The following DDO variants were observed in gnomAD, a reference collection of about 807,000 sequenced individuals.
DDO encodes the protein D-aspartate oxidase, also known as D-aspartate oxidase, DDO.
A neutral mutation model predicts 16.8 loss-of-function variants in DDO; 16 were observed. That is an observed-to-expected ratio of 0.95 (90% confidence interval 0.65 to 1.45). The LOEUF (loss-of-function observed/expected upper bound fraction) is 1.45, where lower values mean the gene tolerates loss of function less well. Among genes scored for constraint, DDO ranks in the 40% most tolerant of loss-of-function variants. The probability of loss-of-function intolerance (pLI) is 0.00; values close to 1 mark genes in which losing one functional copy is unlikely to be tolerated. For missense variants in DDO, 429 were observed against 420.3 expected (o/e 1.02, Z -0.18); for synonymous variants, 180 against 167.2 (o/e 1.08, Z -0.59).
intron 4 of DDO, among the ~76,000 whole-genome samples, chr6:110,402,468 C>T (rs534573827): frequency 6.6e-6 from 1 of 152,114 alleles, no homozygotes; most frequent in East Asian, 1.9e-4. Context: ...AGTTCGAGAC[C>T]AGCCTGGCCA....
At chr6:110,396,065 C>T (rs1773280627) in intron 4 of DDO, among the ~76,000 whole-genome samples, 1 of 152,182 alleles carries the variant, frequency 6.6e-6, no homozygotes, top group South Asian at 2.1e-4. Flanking sequence ...GAGAATGCCT[C>T]ACGTTGATGA....
chr6:110,403,714 C>T (rs1344555451), intron 4 of DDO, among the ~76,000 whole-genome samples: 1 of 152,168 alleles, frequency 6.6e-6, no homozygotes, highest in African/African-American at 2.4e-5. Context: ...CTTTCTGCTC[C>T]CATTCTAACC....
At chr6:110,401,421 G>A (rs897010844) in intron 4 of DDO, among the ~76,000 whole-genome samples, 4 of 151,602 alleles carry the variant, frequency 2.6e-5, no homozygotes, top group African/African-American at 9.7e-5. Flanking sequence ...TCCAAATTTG[G>A]GGTGTGTGGA....
chr6:110,411,244 G>A (rs34929924), intron 2 of DDO, among the ~76,000 whole-genome samples: 17,996 of 152,118 alleles, frequency 0.12, 1,284 homozygotes, highest in Middle Eastern at 0.18. Flanking sequence ...GAGCTCACTG[G>A]CAACAAGCCC....
At chr6:110,409,590 A>C (rs1037427262) in intron 2 of DDO, among the ~76,000 whole-genome samples, 2 of 152,228 alleles carry the variant, frequency 1.3e-5, no homozygotes, top group Non-Finnish European at 2.9e-5. Flanking sequence ...CTTGTTATAG[A>C]GCCAATAAAT....
At chr6:110,403,972 T>C (rs990554401) in intron 4 of DDO, among the ~76,000 whole-genome samples, 7 of 152,368 alleles carry the variant, frequency 4.6e-5, no homozygotes, top group African/African-American at 1.7e-4. Flanking sequence ...CAGATCACTG[T>C]TGCCCTGGCC....
At chr6:110,404,646 G>T in intron 4 of DDO, 128 bp downstream of exon 4, 1 of 930,114 alleles carries the variant, frequency 1.1e-6, no homozygotes, top group Non-Finnish European at 1.6e-6. Context: ...AGCCATTTGT[G>T]AGTGGCAAGG....
At position 110,392,973 on chromosome 6, in the gene DDO, GCCCACCTTCTC is replaced by G; in HGVS notation, c.817_827del (p.Glu273LeufsTer71). 2 of 1,613,430 alleles carry G rather than the reference GCCCACCTTCTC, an allele frequency of 1.2e-6. No individual in the cohort carries two copies. The highest frequency in any genetic ancestry group is 1.7e-6 in the Non-Finnish European group (2 of 1,179,394). On this transcript the variant is annotated frameshift_variant, in exon 5 of 5. Coordinates refer to ENST00000368924, the MANE Select transcript of DDO (RefSeq NM_001372108.2). LOFTEE classifies it low-confidence loss of function (END_TRUNC). ...GCACGCCTGGCCTGTAGGGCCTCAA[GCCCACCTTCTC>G]CCTGATGTTGCAGGCTCCGTGGAGG...
rs1335891796 is a variant in DDO, at chr6:110,408,314, C to T, written c.281+20G>A. ...AAGATCATGCTACACTCTAAAATAA[C>T]TTCAAATTTCTTCACTTACCCTGAT... On this transcript the variant is annotated intron_variant, in intron 3 of 4. Coordinates refer to ENST00000368924, the MANE Select transcript of DDO (RefSeq NM_001372108.2). 1 of 1,607,048 alleles carries T rather than the reference C, an allele frequency of 6.2e-7. No homozygotes were observed. The highest frequency in any genetic ancestry group is 8.5e-7 in the Non-Finnish European group (1 of 1,174,060).
chr6:110,408,176 G>A (rs1171606869), intron 3 of DDO, among the ~76,000 whole-genome samples, 158 bp downstream of exon 3: 2 of 152,164 alleles, frequency 1.3e-5, no homozygotes, highest in Non-Finnish European at 2.9e-5. Flanking sequence ...TCTTTCTTCA[G>A]TTCTTTGGGG....
intron 1 of DDO, among the ~76,000 whole-genome samples, chr6:110,414,897 G>C (rs1255091774): frequency 6.6e-6 from 1 of 152,248 alleles, no homozygotes; most frequent in East Asian, 1.9e-4. Flanking sequence ...AGCTTCCTCA[G>C]CAAGGGCTGT....
chr6:110,413,179 A>G, intron 2 of DDO, 112 bp downstream of exon 2: 3 of 1,235,598 alleles, frequency 2.4e-6, no homozygotes, highest in Non-Finnish European at 3.4e-6. Context: ...AAAGAAAAAA[A>G]CCTGCATATT....
chr6:110,392,696 T>A lies in DDO; in HGVS notation c.*79A>T, dbSNP rs1295563202. ...AAAGAAATGTCTAATTAAACTTTCA[T>A]GCAGTGGAAAAGTTATTTGAACCTG... On this transcript the variant is annotated 3_prime_UTR_variant, in exon 5 of 5. Coordinates refer to ENST00000368924, the MANE Select transcript of DDO (RefSeq NM_001372108.2). 3.5e-6 allele frequency: 5 copies of A among 1,448,188 alleles called. No homozygotes were observed. The African/African-American group carries it at 7.1e-5, about 21-fold the overall frequency. The allele number at this position is 1,448,188 out of a possible 1,614,324, so 89.7% of individuals were successfully genotyped here.
downstream of DDO, among the ~76,000 whole-genome samples, chr6:110,389,370 C>G (rs1245237271): frequency 6.6e-6 from 1 of 152,212 alleles, no homozygotes; most frequent in Non-Finnish European, 1.5e-5. Flanking sequence ...AGCCAACACT[C>G]ATAAGAAATT....
intron 4 of DDO, among the ~76,000 whole-genome samples, chr6:110,397,943 G>A (rs1180611309): frequency 6.6e-6 from 1 of 152,188 alleles, no homozygotes; most frequent in East Asian, 1.9e-4. Context: ...GTTAAATTAG[G>A]TGACCAAGTG....
intron 2 of DDO, among the ~76,000 whole-genome samples, chr6:110,412,730 T>C (rs1049150702): frequency 6.6e-6 from 1 of 152,278 alleles, no homozygotes; most frequent in African/African-American, 2.4e-5. Context: ...CCCTTGCTGA[T>C]GCTCAATCCA....
chr6:110,398,284 G>T (rs977182618), intron 4 of DDO, among the ~76,000 whole-genome samples: 7 of 152,034 alleles, frequency 4.6e-5, no homozygotes, highest in African/African-American at 1.7e-4. Flanking sequence ...CATCCTCAGC[G>T]CCTTTCCTTC....
At chr6:110,396,679 C>T (rs1223626595) in intron 4 of DDO, among the ~76,000 whole-genome samples, 1 of 150,932 alleles carries the variant, frequency 6.6e-6, no homozygotes, top group Non-Finnish European at 1.5e-5. Flanking sequence ...GAGAATGAAG[C>T]TGGAGCTACT....
Position 110,392,532 on chromosome 6 carries a change from ACCTCTAAAAAATGTTAC to A in DDO, c.*226_*242del. ...GTTTTTTTTAGAGGTGGGAACTGGC[ACCTCTAAAAAATGTTAC>A]CCAGATTGCACTCAAACTCCTGGGC... On this transcript the variant is annotated 3_prime_UTR_variant, in exon 5 of 5. Transcript: ENST00000368924. 2 of 1,192,938 alleles carry A rather than the reference ACCTCTAAAAAATGTTAC, an allele frequency of 1.7e-6. No individual in the cohort carries two copies. Among genetic ancestry groups the A allele is most frequent in the Non-Finnish European group, 2.1e-6 (2 of 964,188 alleles). 73.9% of individuals were successfully genotyped at this position (1,192,938 alleles called of 1,614,324 possible).
Sources: gnomAD v4.1 joint callset for allele counts (sites outside exome capture counted in the v4.1 genomes callset) on GRCh38, gnomAD v4.1.1 for gene constraint, MANE v1.5 for transcripts, NCBI Gene and HGNC (gene_info 2026-07-23, HGNC 2026-07-21) for gene names.